RRAGD: variants seen among roughly 807,000 people sequenced by gnomAD.
The protein encoded by RRAGD is Ras related GTP binding D, also known as ras-related GTP-binding protein D.
A neutral mutation model predicts 35.5 loss-of-function variants in RRAGD; 12 were observed. The observed-to-expected ratio is 0.34, with a 90% CI of 0.22 to 0.55. The LOEUF (loss-of-function observed/expected upper bound fraction) is 0.55. Ranked by LOEUF, RRAGD falls within the 20% of genes least tolerant of loss-of-function variation. RRAGD has a pLI of 0.91. For synonymous variants in RRAGD, 155 were observed against 178.9 expected (o/e 0.87, Z 1.07); for missense variants, 324 against 490.1 (o/e 0.66, Z 3.20).
intron 1 of RRAGD, among the ~76,000 whole-genome samples, chr6:89,404,773 G>C (rs1282826083): frequency 6.6e-6 from 1 of 152,150 alleles, no homozygotes; most frequent in African/African-American, 2.4e-5. Flanking sequence ...GGGCTGCCTG[G>C]GGACCCTGCC....
intron 6 of RRAGD, 35 bp from the exon 7 acceptor site, chr6:89,368,242 C>A: frequency 6.3e-7 from 1 of 1,591,748 alleles, no homozygotes; most frequent in Non-Finnish European, 8.6e-7. Flanking sequence ...ATAAATGTCA[C>A]GTAGAAATAA....
At chr6:89,380,901 G>C (rs1444233076) in intron 2 of RRAGD, among the ~76,000 whole-genome samples, 1 of 123,210 alleles carries the variant, frequency 8.1e-6, no homozygotes, top group South Asian at 2.8e-4. Flanking sequence ...AGTAAGACTC[G>C]GTCACAAAAA....
At chr6:89,393,908 G>A (rs1009831352) in intron 1 of RRAGD, among the ~76,000 whole-genome samples, 2 of 152,148 alleles carry the variant, frequency 1.3e-5, no homozygotes, top group African/African-American at 4.8e-5. Flanking sequence ...CAATAAAAAT[G>A]TATGAATGTA....
At chr6:89,370,054 G>C (rs746662177) in intron 6 of RRAGD, among the ~76,000 whole-genome samples, 39 of 152,168 alleles carry the variant, frequency 2.6e-4, no homozygotes, top group Non-Finnish European at 5.0e-4. Context: ...GGCTGAGCAG[G>C]GAGGATCACT....
intron 6 of RRAGD, 43 bp from the exon 7 acceptor site, chr6:89,368,250 T>A: frequency 6.3e-7 from 1 of 1,582,796 alleles, no homozygotes. Context: ...CACGTAGAAA[T>A]AATCTCCATC....
intron 5 of RRAGD, among the ~76,000 whole-genome samples, chr6:89,377,371 C>T (rs534239981): frequency 1.6e-4 from 25 of 152,262 alleles, no homozygotes; most frequent in Non-Finnish European, 8.8e-5. Flanking sequence ...CCCAGCTACT[C>T]GAGAGGCTGA....
chr6:89,405,353 CAAAAAAAAAA>C (rs56252416), intron 1 of RRAGD, among the ~76,000 whole-genome samples: 1 of 52,182 alleles, frequency 1.9e-5, no homozygotes, highest in Non-Finnish European at 3.6e-5. Context: ...GACTCCGTCT[CAAAAAAAAAA>C]AAAAAAAAAA....
intron 2 of RRAGD, among the ~76,000 whole-genome samples, chr6:89,381,267 T>C (rs1043460819): frequency 6.6e-6 from 1 of 152,198 alleles, no homozygotes; most frequent in African/African-American, 2.4e-5. Context: ...GAGAAACTCC[T>C]CAGAGACAGT....
chr6:89,368,651 AC>A (rs1380549914), intron 6 of RRAGD, among the ~76,000 whole-genome samples: 1 of 152,224 alleles, frequency 6.6e-6, no homozygotes, highest in African/African-American at 2.4e-5. Context: ...ATAAATATTT[AC>A]TGAGTATCTA....
Position 89,411,739 on chromosome 6 carries a change from C to A in RRAGD, c.148+107G>T. The A allele has an allele frequency of 7.8e-7, 1 of 1,285,516 alleles. No individual in the cohort carries two copies. The allele number at this position is 1,285,516 out of a possible 1,614,324, so 79.6% of individuals were successfully genotyped here. A position where few individuals can be genotyped will look rare whatever the true frequency, so the allele number is the denominator to read the frequency against. The stretch of plus-strand genomic sequence containing the variant: ...CAAACCCTCAACTGGACCCGCTCCC[C>A]TGGACCCCCTCCAAGTCGGTGGCTC... On this transcript the variant is annotated intron_variant, in intron 1 of 6. Coordinates refer to ENST00000369415, the MANE Select transcript of RRAGD (RefSeq NM_021244.5). This position sits in a 1 kb window ranked among gnomAD's most constrained non-coding sequence, Gnocchi z 5.6.
intron 2 of RRAGD, among the ~76,000 whole-genome samples, chr6:89,385,172 G>A (rs117185852): frequency 3.3e-5 from 5 of 152,200 alleles, no homozygotes; most frequent in East Asian, 1.9e-4. Flanking sequence ...ACCTATTTTC[G>A]CCACATTATA....
rs71556520 is a variant in RRAGD, at chr6:89,402,038, A to ATTT, written c.148+9805_148+9807dup. ...TGAAAGCACTGAGGAAATCCTAAGGATTTTTTTTTTTTTTTTTTTTTTGGT... is the reference window on the plus strand; with the variant it reads ...TGAAAGCACTGAGGAAATCCTAAGGATTTTTTTTTTTTTTTTTTTTTTTTTGGT... On this transcript the variant is annotated intron_variant, in intron 1 of 6. Transcript: ENST00000369415. Among the ~76,000 whole-genome samples, 236 of 78,420 alleles carry ATTT rather than the reference A, an allele frequency of 3.0e-3. 14 individuals carry two copies. Among genetic ancestry groups the ATTT allele is most frequent in the African/African-American group, 7.6e-3 (121 of 15,864 alleles). 51.4% of individuals were successfully genotyped at this position (78,420 alleles called of 152,430 possible).
chr6:89,378,104 A>G (rs945690411), intron 4 of RRAGD, among the ~76,000 whole-genome samples: 2 of 152,126 alleles, frequency 1.3e-5, no homozygotes, highest in African/African-American at 4.8e-5. Flanking sequence ...AGGAGTTCGA[A>G]ACCAGCCTGA....
Position 89,411,774 on chromosome 6 carries a change from C to G in RRAGD, c.148+72G>C. The G allele has an allele frequency of 6.8e-7, 1 of 1,474,546 alleles. No individual in the cohort carries two copies. Among genetic ancestry groups the G allele is most frequent in the Non-Finnish European group, 9.0e-7 (1 of 1,107,812 alleles). The allele number at this position is 1,474,546 out of a possible 1,614,324, so 91.3% of individuals were successfully genotyped here. ...TCCAAGTCGGTGGCTCGCGCACGGC[C>G]GGGCTGGGGGCGGGAAGGCGCCAAG... is the stretch of plus-strand genomic sequence containing the variant. On this transcript the variant is annotated intron_variant, in intron 1 of 6. Coordinates refer to ENST00000369415, the MANE Select transcript of RRAGD (RefSeq NM_021244.5). The surrounding 1 kb of genome is among the most constrained non-coding windows in gnomAD (Gnocchi z 5.6).
chr6:89,380,499 G>A (rs892542504), intron 2 of RRAGD, 132 bp from the exon 3 acceptor site: 2 of 685,322 alleles, frequency 2.9e-6, no homozygotes, highest in Non-Finnish European at 2.4e-6. Flanking sequence ...CAACAAGCTG[G>A]CTTCTTATAA....
chr6:89,391,092 A>G (rs1484905987), intron 1 of RRAGD, among the ~76,000 whole-genome samples: 6 of 152,136 alleles, frequency 3.9e-5, no homozygotes, highest in African/African-American at 1.2e-4. Flanking sequence ...AATGCGGTAC[A>G]ATGGAATACA....
At position 89,411,775 on chromosome 6, in the gene RRAGD, G is replaced by A. The variant is rs1405891369; in HGVS notation, c.148+71C>T. 1.4e-6 allele frequency: 2 copies of A among 1,474,966 alleles called. No individual in the cohort carries two copies. Among genetic ancestry groups the A allele is most frequent in the Non-Finnish European group, 1.8e-6 (2 of 1,107,988 alleles). The allele number at this position is 1,474,966 out of a possible 1,614,324, so 91.4% of individuals were successfully genotyped here. ...CCAAGTCGGTGGCTCGCGCACGGCC[G>A]GGCTGGGGGCGGGAAGGCGCCAAGG... On this transcript the variant is annotated intron_variant, in intron 1 of 6. Transcript: ENST00000369415. The surrounding 1 kb of genome is among the most constrained non-coding windows in gnomAD (Gnocchi z 5.6).
chr6:89,368,921 A>G (rs1240633427), intron 6 of RRAGD, among the ~76,000 whole-genome samples: 6 of 152,358 alleles, frequency 3.9e-5, no homozygotes, highest in Non-Finnish European at 7.3e-5. Context: ...GTAATTTGTA[A>G]AAGTCCTGAG....
rs1376120273 is a variant in RRAGD, at chr6:89,367,485, A to G, written c.*571T>C. 1.3e-5 allele frequency: 2 copies of G among 152,252 alleles called. No homozygotes were observed. The highest frequency in any genetic ancestry group is 1.9e-4 in the East Asian group (1 of 5,200). The allele number at this position is 152,252 out of a possible 1,614,324, so 9.4% of individuals were successfully genotyped here. A position where few individuals can be genotyped will look rare whatever the true frequency, so the allele number is the denominator to read the frequency against. On this transcript the variant is annotated 3_prime_UTR_variant, in exon 7 of 7. Transcript: ENST00000369415. ...TTATTCTACAAAACTGTTTACACCC[A>G]TTATAAATAGGGGACAGTTCTTATT...
Sources: allele counts gnomAD v4.1 joint callset (sites outside exome capture counted in the v4.1 genomes callset), GRCh38; gene constraint gnomAD v4.1.1; non-coding constraint Gnocchi (gnomAD v3.1); transcripts MANE v1.5; gene names NCBI Gene and HGNC (gene_info 2026-07-23, HGNC 2026-07-21).